Variants in CADM2 observed in about 807,000 individuals in gnomAD.
CADM2 encodes the protein immunoglobulin superfamily member 4D.
CADM2 carries 12 observed loss-of-function variants against 49.8 expected under a neutral mutation model. That is an observed-to-expected ratio of 0.24 (90% CI 0.15 to 0.39). The LOEUF is 0.39. Ranked by LOEUF, CADM2 falls within the 10% of genes least tolerant of loss-of-function variation. CADM2 has a pLI of 1.00. For missense variants in CADM2, 378 were observed against 492.3 expected (o/e 0.77, Z 2.20); for synonymous variants, 214 against 175.4 (o/e 1.22, Z -1.74).
intron 1 of CADM2, among the ~76,000 whole-genome samples, chr3:85,645,819 A>T (rs1352724767): frequency 1.3e-5 from 2 of 152,030 alleles, no homozygotes; most frequent in South Asian, 2.1e-4. Context: ...ACAACAAAAG[A>T]AAAACTTTAT....
intron 2 of CADM2, among the ~76,000 whole-genome samples, chr3:85,780,061 A>G (rs2070559170): frequency 6.6e-6 from 1 of 152,222 alleles, no homozygotes; most frequent in African/African-American, 2.4e-5. Flanking sequence ...ATGAATAATA[A>G]TTTCAGAATA....
chr3:85,594,551 C>G (rs1576890006), intron 1 of CADM2, among the ~76,000 whole-genome samples: 3 of 151,640 alleles, frequency 2.0e-5, no homozygotes, highest in East Asian at 3.9e-4. Flanking sequence ...AGCAATAGAA[C>G]CAACTTTATG....
chr3:85,948,916 A>G (rs1256696382), intron 7 of CADM2, among the ~76,000 whole-genome samples: 3 of 151,348 alleles, frequency 2.0e-5, no homozygotes, highest in African/African-American at 7.3e-5. Context: ...AAAAGATAAG[A>G]CTTTATAAAG....
At chr3:85,710,331 C>T (rs1401922509) in intron 1 of CADM2, among the ~76,000 whole-genome samples, 1 of 152,084 alleles carries the variant, frequency 6.6e-6, no homozygotes, top group African/African-American at 2.4e-5. Context: ...CTTTCTAAAA[C>T]GTTACACTTA....
At chr3:86,064,309 GT>G (rs1682700080) in intron 8 of CADM2, among the ~76,000 whole-genome samples, 1 of 152,084 alleles carries the variant, frequency 6.6e-6, no homozygotes, top group African/African-American at 2.4e-5. Context: ...GCAGTGTTTG[GT>G]TTTTTGTCCT....
intron 1 of CADM2, among the ~76,000 whole-genome samples, chr3:85,353,551 GTT>G (rs893703512): frequency 7.3e-6 from 1 of 136,952 alleles, no homozygotes; most frequent in Non-Finnish European, 1.6e-5. Flanking sequence ...CTTTTTTTTT[GTT>G]TTTTTTTTGC....
chr3:85,962,203 G>C (rs1458806065), intron 8 of CADM2, among the ~76,000 whole-genome samples: 5 of 151,946 alleles, frequency 3.3e-5, no homozygotes, highest in Admixed American at 2.6e-4. Flanking sequence ...ACAGGTGTGA[G>C]CCATCACACC....
At chr3:85,069,301 A>G (rs1408113256) in intron 1 of CADM2, among the ~76,000 whole-genome samples, 1 of 152,092 alleles carries the variant, frequency 6.6e-6, no homozygotes, top group Non-Finnish European at 1.5e-5. Context: ...CAATTTTGAG[A>G]CATTGTATTT....
At chr3:85,567,852 T>C (rs1189613851) in intron 1 of CADM2, among the ~76,000 whole-genome samples, 2 of 152,136 alleles carry the variant, frequency 1.3e-5, no homozygotes, top group South Asian at 2.1e-4. Flanking sequence ...GTCAAAGGCC[T>C]GAGAACCCAC....
chr3:85,218,324 G>T (rs1319877130), intron 1 of CADM2, among the ~76,000 whole-genome samples: 1 of 152,094 alleles, frequency 6.6e-6, no homozygotes, highest in Admixed American at 6.6e-5. Context: ...TGTTATAAAA[G>T]ATTTTGAGAA....
chr3:85,628,657 G>A (rs1559953148), intron 1 of CADM2, among the ~76,000 whole-genome samples: 1 of 141,408 alleles, frequency 7.1e-6, no homozygotes, highest in African/African-American at 2.7e-5. Flanking sequence ...ACACACATAT[G>A]TATATGTGTA....
chr3:85,252,150 T>G (rs1467101005), intron 1 of CADM2, among the ~76,000 whole-genome samples: 3 of 152,018 alleles, frequency 2.0e-5, no homozygotes, highest in South Asian at 2.1e-4. Flanking sequence ...ATCTCTTTGT[T>G]TTTGTTCTTC....
At chr3:85,181,682 C>T (rs1171613671) in intron 1 of CADM2, among the ~76,000 whole-genome samples, 1 of 151,852 alleles carries the variant, frequency 6.6e-6, no homozygotes, top group African/African-American at 2.4e-5. Flanking sequence ...TTACTTCATT[C>T]ACTATTTTTT....
chr3:85,574,164 T>A (rs140814332), intron 1 of CADM2, among the ~76,000 whole-genome samples: 2 of 152,198 alleles, frequency 1.3e-5, no homozygotes, highest in Non-Finnish European at 2.9e-5. Context: ...TCTGGGCAAG[T>A]TTTTAGGCCT....
rs144031387 is a variant in CADM2, at chr3:85,598,507, G to A, written c.62-128015G>A. Among the ~76,000 whole-genome samples, 85 of 151,690 alleles carry A rather than the reference G, an allele frequency of 5.6e-4. No individual in the cohort carries two copies. The East Asian group carries it at 0.014, about 25-fold the overall frequency. Reference sequence around the variant, plus strand: ...TGTAAAGTCTGTTCCAATATTCTACGTATGGAGGAAGATTTCATTGGTTTT... The same window carrying A: ...TGTAAAGTCTGTTCCAATATTCTACATATGGAGGAAGATTTCATTGGTTTT... On this transcript the variant is annotated intron_variant, in intron 1 of 9. Transcript: ENST00000383699.
intron 2 of CADM2, among the ~76,000 whole-genome samples, chr3:85,788,615 C>G (rs1408174320): frequency 6.6e-6 from 1 of 151,658 alleles, no homozygotes; most frequent in Non-Finnish European, 1.5e-5. Context: ...TCAAAATATA[C>G]ATACAGTAAG....
intron 1 of CADM2, among the ~76,000 whole-genome samples, chr3:85,721,398 C>T (rs1467843212): frequency 6.6e-6 from 1 of 152,104 alleles, no homozygotes; most frequent in East Asian, 1.9e-4. Flanking sequence ...CTGTGTTTTC[C>T]TCAGGCCTGC....
chr3:85,340,731 G>T (rs2045217399), intron 1 of CADM2, among the ~76,000 whole-genome samples: 1 of 151,392 alleles, frequency 6.6e-6, no homozygotes, highest in African/African-American at 2.4e-5. Flanking sequence ...TGGCAGCATT[G>T]GAAATGTTGT....
At chr3:85,559,685 CACAT>C (rs199640940) in intron 1 of CADM2, among the ~76,000 whole-genome samples, 13 of 150,826 alleles carry the variant, frequency 8.6e-5, no homozygotes, top group African/African-American at 2.7e-4. Flanking sequence ...CACACACACA[CACAT>C]ATATATATAT....
Sources: gnomAD v4.1 joint callset for allele counts (sites outside exome capture counted in the v4.1 genomes callset) on GRCh38, gnomAD v4.1.1 for gene constraint, MANE v1.5 for transcripts, NCBI Gene and HGNC (gene_info 2026-07-23, HGNC 2026-07-21) for gene names.